Variants in NINL observed in about 807,000 individuals in gnomAD.
NINL encodes the protein ninein like, also known as ninein-like protein.
NINL carries 153 observed loss-of-function variants against 160.3 expected under a neutral mutation model. The ratio of observed to expected loss-of-function variants is 0.95; its 90% CI spans 0.84 to 1.09. The LOEUF is 1.09. NINL is among the 50% of genes least tolerant of loss of function. NINL has a pLI of 0.00. For missense variants in NINL, 1,829 were observed against 1,764.0 expected (o/e 1.04, Z -0.66); for synonymous variants, 800 against 734.8 (o/e 1.09, Z -1.43).
At position 25,517,236 on chromosome 20, in the gene NINL, C is replaced by A. The variant is rs954652588; in HGVS notation, c.277+517G>T. The stretch of plus-strand genomic sequence containing the variant: ...CTATGTGACACACTAAATAATACCA[C>A]AAACACAACACCCCTGCAAAAGGGA... On this transcript the variant is annotated intron_variant, in intron 3 of 23. Coordinates refer to ENST00000278886, the MANE Select transcript of NINL (RefSeq NM_025176.6). 4.6e-5 allele frequency among the ~76,000 whole-genome samples: 7 copies of A among 152,112 alleles called. No individual in the cohort carries two copies. In the East Asian group the frequency reaches 1.4e-3, roughly 29 times the overall value.
In NINL at chr20:25,453,206, T is replaced by G; in HGVS notation, c.*245A>C. 2.8e-6 allele frequency: 1 copy of G among 362,064 alleles called. No homozygotes were observed. The highest frequency in any genetic ancestry group is 8.9e-5 in the South Asian group (1 of 11,184). The allele number at this position is 362,064 out of a possible 1,614,324, so 22.4% of individuals were successfully genotyped here. On this transcript the variant is annotated 3_prime_UTR_variant, in exon 24 of 24. Coordinates refer to ENST00000278886, the MANE Select transcript of NINL (RefSeq NM_025176.6). ...CCAGAGAGTGGCAAAACTGGGAATT[T>G]TGCCAAGGGAAATTACTCAGGACCG...
rs138501463 is a variant in NINL, at chr20:25,476,855, G to A, written c.2436C>T (p.Ala812=). Residue 812 remains alanine, a synonymous_variant, in exon 17 of 24, where the codon GCC becomes GCT. Transcript: ENST00000278886. ...LALEEEELEL[A]RGKRVDGPSL... ...AGGGCCCGTCCACTCGCTTCCCGCGGGCAAGCTCCAACTCCTCCTCCTCGA... is the reference window on the plus strand; with the variant it reads ...AGGGCCCGTCCACTCGCTTCCCGCGAGCAAGCTCCAACTCCTCCTCCTCGA... The A allele has an allele frequency of 1.8e-4, 284 of 1,613,394 alleles. 1 individual carries two copies. The African/African-American group carries it at 3.5e-3, about 20-fold the overall frequency.
intron 11 of NINL, 151 bp downstream of exon 11, chr20:25,491,200 A>G: frequency 1.1e-6 from 1 of 914,514 alleles, no homozygotes; most frequent in Non-Finnish European, 1.6e-6. Context: ...ACACCTCCTC[A>G]CTGCAGCAGG....
At chr20:25,481,831 C>T (rs971706575) in intron 14 of NINL, 137 bp downstream of exon 14, 1 of 1,274,062 alleles carries the variant, frequency 7.8e-7, no homozygotes. Flanking sequence ...CTTGGAAAGT[C>T]CCTGCAGAGC....
rs766085312 is a variant in NINL at position 25,585,481 on chromosome 20, G to T, written c.-38C>A. ...TGGGAGGCGCCTCCGCCGTCCGCCC[G>T]CGCGGGGCCAGGAGCGCGGCACCAC... On this transcript the variant is annotated 5_prime_UTR_variant, in exon 1 of 24. Coordinates refer to ENST00000278886, the MANE Select transcript of NINL (RefSeq NM_025176.6). The T allele has an allele frequency of 6.6e-6, 1 of 152,230 alleles. No homozygotes were observed. The highest frequency in any genetic ancestry group is 1.5e-5 in the Non-Finnish European group (1 of 68,058). 9.4% of individuals were successfully genotyped at this position (152,230 alleles called of 1,614,324 possible).
chr20:25,461,622 T>C lies in NINL; in HGVS notation c.3596A>G (p.Gln1199Arg). Residue 1199 changes from glutamine to arginine, a missense_variant, in exon 21 of 24, where the codon CAA (glutamine) becomes CGA (arginine). By Grantham distance (43) the Gln-to-Arg change is conservative. Coordinates refer to ENST00000278886, the MANE Select transcript of NINL (RefSeq NM_025176.6). ...GCATTCAAGTTCAACTCTAAGTTTT[T>C]GGATTTGGTCACTCTGTTTTTAAAA... Reference protein sequence around the residue: ...RSGQQQSDQIQKLRVELECLN... With the variant: ...RSGQQQSDQIRKLRVELECLN... 1.2e-6 allele frequency: 2 copies of C among 1,612,256 alleles called. No homozygotes were observed.
At chr20:25,577,503 C>T (rs575973118) in intron 1 of NINL, among the ~76,000 whole-genome samples, 4 of 152,330 alleles carry the variant, frequency 2.6e-5, no homozygotes, top group Non-Finnish European at 5.9e-5. Flanking sequence ...TTGGGACAAC[C>T]TACTCAAAAT....
At chr20:25,504,841 G>T in intron 6 of NINL, 47 bp downstream of exon 6, 2 of 1,595,952 alleles carry the variant, frequency 1.3e-6, no homozygotes, top group South Asian at 1.1e-5. Context: ...ACTAAACCGT[G>T]ACCATGGCCA....
chr20:25,571,830 T>C (rs1291813754), intron 1 of NINL, among the ~76,000 whole-genome samples: 6 of 117,228 alleles, frequency 5.1e-5, no homozygotes, highest in African/African-American at 2.0e-4. Flanking sequence ...ATCACACCAC[T>C]GCACTCCAGC....
At chr20:25,525,062 G>T (rs2064333313) in intron 2 of NINL, among the ~76,000 whole-genome samples, 1 of 152,122 alleles carries the variant, frequency 6.6e-6, no homozygotes, top group Non-Finnish European at 1.5e-5. Context: ...GATATCAAGA[G>T]AGGCTAGATC....
intron 10 of NINL, among the ~76,000 whole-genome samples, chr20:25,492,334 CT>C (rs1163379582): frequency 6.6e-6 from 1 of 152,170 alleles, no homozygotes; most frequent in Admixed American, 6.5e-5. Context: ...TATCAGCCTA[CT>C]CTTTAAAAAC....
intron 1 of NINL, among the ~76,000 whole-genome samples, chr20:25,580,490 A>C (rs1277807626): frequency 6.6e-6 from 1 of 152,216 alleles, no homozygotes; most frequent in Non-Finnish European, 1.5e-5. Flanking sequence ...CTTCGACTCC[A>C]GGGAGACTAT....
intron 22 of NINL, 69 bp from the exon 23 acceptor site, chr20:25,455,855 G>A (rs1037559785): frequency 3.9e-6 from 5 of 1,268,226 alleles, no homozygotes; most frequent in Non-Finnish European, 4.6e-6. Flanking sequence ...CACTTTGGGA[G>A]GCCGAGGCGG....
At chr20:25,496,466 C>T (rs2063754628) in intron 10 of NINL, among the ~76,000 whole-genome samples, 197 bp downstream of exon 10, 1 of 152,234 alleles carries the variant, frequency 6.6e-6, no homozygotes, top group Non-Finnish European at 1.5e-5. Flanking sequence ...GGCACTGCAC[C>T]AACCCCAGGA....
chr20:25,543,841 C>T (rs548945024), intron 1 of NINL, among the ~76,000 whole-genome samples: 1 of 152,146 alleles, frequency 6.6e-6, no homozygotes, highest in Non-Finnish European at 1.5e-5. Flanking sequence ...CATGAAGTGG[C>T]CAATGGCAAA....
chr20:25,547,518 G>A (rs1021718502), intron 1 of NINL, among the ~76,000 whole-genome samples: 1 of 152,156 alleles, frequency 6.6e-6, no homozygotes, highest in African/African-American at 2.4e-5. Flanking sequence ...ATGGAACTGA[G>A]CCCTTAACCT....
In NINL at chr20:25,517,700, C is replaced by T. The variant is rs1051583523; in HGVS notation, c.277+53G>A. 5.8e-6 allele frequency: 8 copies of T among 1,387,074 alleles called. No homozygotes were observed. In the East Asian group the frequency reaches 1.9e-4, roughly 34 times the overall value. 85.9% of individuals were successfully genotyped at this position (1,387,074 alleles called of 1,614,324 possible). Reference sequence around the variant, plus strand: ...GATTCTTTCATTAGAATATTACACTCCAAAAGTTAACAAACAAATAATGAA... The same window carrying T: ...GATTCTTTCATTAGAATATTACACTTCAAAAGTTAACAAACAAATAATGAA... On this transcript the variant is annotated intron_variant, in intron 3 of 23. Coordinates refer to ENST00000278886, the MANE Select transcript of NINL (RefSeq NM_025176.6).
chr20:25,503,766 C>A (rs915269541), intron 7 of NINL, among the ~76,000 whole-genome samples, 186 bp downstream of exon 7: 1 of 152,204 alleles, frequency 6.6e-6, no homozygotes, highest in African/African-American at 2.4e-5. Flanking sequence ...TGGACCCACC[C>A]CAAATCTATG....
In NINL at chr20:25,544,734, C is replaced by A. The variant is rs530555989; in HGVS notation, c.-11-18136G>T. Reference sequence around the variant, plus strand: ...AACAGCATTGGCATGAAAAAAGCAGCCACAAAAAGGTTTTTCCTCTGGCAG... The same window carrying A: ...AACAGCATTGGCATGAAAAAAGCAGACACAAAAAGGTTTTTCCTCTGGCAG... On this transcript the variant is annotated intron_variant, in intron 1 of 23. Coordinates refer to ENST00000278886, the MANE Select transcript of NINL (RefSeq NM_025176.6). 5.9e-5 allele frequency among the ~76,000 whole-genome samples: 9 copies of A among 152,300 alleles called. No homozygotes were observed. In the South Asian group the frequency reaches 1.9e-3, roughly 32 times the overall value.
Sources: allele counts gnomAD v4.1 joint callset (sites outside exome capture counted in the v4.1 genomes callset), GRCh38; gene constraint gnomAD v4.1.1; transcripts MANE v1.5; gene names NCBI Gene and HGNC (gene_info 2026-07-23, HGNC 2026-07-21).